MYOM1: variants seen among roughly 807,000 people sequenced by gnomAD.
MYOM1 encodes the protein myomesin 1.
A neutral mutation model predicts 205.3 loss-of-function variants in MYOM1; 164 were observed. That is an observed-to-expected ratio of 0.80 (90% CI 0.70 to 0.91). MYOM1 has a LOEUF of 0.91. Ranked by LOEUF, MYOM1 falls within the 40% of genes least tolerant of loss-of-function variation. MYOM1 has a pLI of 0.00. For missense variants in MYOM1, 2,011 were observed against 2,127.3 expected (o/e 0.95, Z 1.08); for synonymous variants, 772 against 789.4 (o/e 0.98, Z 0.37).
chr18:3,208,304 G>A (rs1008224927), intron 2 of MYOM1, among the ~76,000 whole-genome samples: 1 of 152,098 alleles, frequency 6.6e-6, no homozygotes, highest in Non-Finnish European at 1.5e-5. Flanking sequence ...GAGCTAGCTC[G>A]GGAGTTTGAG....
At position 3,154,961 on chromosome 18, in the gene MYOM1, T is replaced by A; in HGVS notation, c.1629A>T (p.Gly543=). The change falls in exon 11 of 38, where the codon GGA becomes GGT. Residue 543 remains glycine (G), a synonymous_variant. Coordinates refer to ENST00000356443, the MANE Select transcript of MYOM1 (RefSeq NM_003803.4). Reference sequence around the variant, plus strand: ...TAAGCACTAACTTATCAATAAAATATCCGAGAATAGGACTCCCTCCATCGA... The same window carrying A: ...TAAGCACTAACTTATCAATAAAATAACCGAGAATAGGACTCCCTCCATCGA... ...PAVDGGSPIL[G]YFIDKCEVGT... 1.2e-6 allele frequency: 2 copies of A among 1,611,648 alleles called. No individual in the cohort carries two copies. Among genetic ancestry groups the A allele is most frequent in the East Asian group, 4.5e-5 (2 of 44,842 alleles).
In MYOM1 at chr18:3,067,339, C is replaced by T. The variant is rs780903555; in HGVS notation, c.4981G>A (p.Val1661Ile). Residue 1661 changes from valine to isoleucine, a missense_variant, in exon 38 of 38, where the codon GTC becomes ATC. Val to Ile is a conservative substitution (Grantham distance 29). Transcript: ENST00000356443. ...TCCTCCTCTGGGATGAACACGCTGA[C>T]GGTGAAGTCGCTGGTCTCCGAGCCA... ...KYGSETSDFT[V>I]SVFIPEEEAR... The T allele has an allele frequency of 1.1e-5, 18 of 1,612,186 alleles. No homozygotes were observed. In the East Asian group the frequency reaches 1.6e-4, roughly 14 times the overall value.
At chr18:3,141,447 T>C (rs2080047110) in intron 14 of MYOM1, among the ~76,000 whole-genome samples, 1 of 152,192 alleles carries the variant, frequency 6.6e-6, no homozygotes, top group Admixed American at 6.5e-5. Flanking sequence ...AGAGTGGAGC[T>C]AGCCAAGTGC....
At chr18:3,205,453 A>C (rs982354675) in intron 2 of MYOM1, among the ~76,000 whole-genome samples, 4 of 152,224 alleles carry the variant, frequency 2.6e-5, no homozygotes, top group Non-Finnish European at 2.9e-5. Flanking sequence ...ATGGCTACTA[A>C]ATGCAAAAAA....
In MYOM1 at chr18:3,154,980, C is replaced by T. The variant is rs1354421749; in HGVS notation, c.1610G>A (p.Gly537Glu). 3 of 1,612,786 alleles carry T rather than the reference C, an allele frequency of 1.9e-6. No individual in the cohort carries two copies. Residue 537 changes from glycine to glutamate, a missense_variant, in exon 11 of 38, where the codon GGA becomes GAA. Physicochemically the swap from Gly to Glu is moderately conservative, Grantham distance 98. Transcript: ENST00000356443. ...AAAATATCCGAGAATAGGACTCCCT[C>T]CATCGACAGCTGGCTGTTTCCAGGA... ...IISWKQPAVD[G>E]GSPILGYFID... is the part of the protein sequence containing the mutation.
chr18:3,235,496 A>G, the MYOM1 span, among the ~76,000 whole-genome samples: 1 of 152,242 alleles, frequency 6.6e-6, no homozygotes, highest in Non-Finnish European at 1.5e-5. Flanking sequence ...ATGGCTTAGA[A>G]GTCACTGAGG....
At chr18:3,244,069 T>C in the MYOM1 span, among the ~76,000 whole-genome samples, 1 of 152,194 alleles carries the variant, frequency 6.6e-6, no homozygotes, top group East Asian at 1.9e-4. Flanking sequence ...CTACTGACTT[T>C]TTGGGCTGAA....
intron 2 of MYOM1, among the ~76,000 whole-genome samples, chr18:3,195,986 T>C (rs1313363408): frequency 1.3e-5 from 2 of 152,186 alleles, no homozygotes; most frequent in African/African-American, 2.4e-5. Flanking sequence ...AGCATTATGA[T>C]GTTATGTGTT....
chr18:3,078,050 T>G (rs28613174), intron 34 of MYOM1, among the ~76,000 whole-genome samples: 6,384 of 152,186 alleles, frequency 0.042, 455 homozygotes, highest in African/African-American at 0.14. Flanking sequence ...TTGTATTTTT[T>G]TTTTTTTTTG....
At chr18:3,102,764 A>T in intron 22 of MYOM1, 134 bp from the exon 23 acceptor site, 3 of 832,388 alleles carry the variant, frequency 3.6e-6, no homozygotes, top group Non-Finnish European at 5.6e-6. Context: ...TTCACTACTC[A>T]TGCAGGTGGA....
chr18:3,179,814 C>T lies in MYOM1; in HGVS notation c.930-3680G>A, dbSNP rs1248512494. On this transcript the variant is annotated intron_variant, in intron 5 of 37. Coordinates refer to ENST00000356443, the MANE Select transcript of MYOM1 (RefSeq NM_003803.4). The surrounding 1 kb of genome is among the most constrained non-coding windows in gnomAD (Gnocchi z 4.4). ...TATAATTGGTTTAGGTAATTTCACA[C>T]TGGACTCAAGCTCACTCTGGCTCTG... 6.6e-6 allele frequency among the ~76,000 whole-genome samples: 1 copy of T among 152,182 alleles called. No individual in the cohort carries two copies. Among genetic ancestry groups the T allele is most frequent in the African/African-American group, 2.4e-5 (1 of 41,446 alleles).
At chr18:3,126,399 TAGA>T (rs2079783684) in intron 19 of MYOM1, among the ~76,000 whole-genome samples, 1 of 151,460 alleles carries the variant, frequency 6.6e-6, no homozygotes, top group African/African-American at 2.4e-5. Context: ...ATATTAATTG[TAGA>T]TATTTTGTAA....
intron 5 of MYOM1, among the ~76,000 whole-genome samples, chr18:3,182,913 C>CCT (rs2080757725): frequency 2.2e-5 from 2 of 92,300 alleles, no homozygotes; most frequent in Admixed American, 1.3e-4. Flanking sequence ...TTTCTTTCTT[C>CCT]TTTTTTTTTT....
At chr18:3,098,002 G>A (rs939132416) in intron 25 of MYOM1, among the ~76,000 whole-genome samples, 2 of 152,176 alleles carry the variant, frequency 1.3e-5, no homozygotes, top group Non-Finnish European at 2.9e-5. Flanking sequence ...CCTTTAAGCT[G>A]AATGTAAATG....
At chr18:3,081,144 A>AAG (rs1044004704) in intron 33 of MYOM1, among the ~76,000 whole-genome samples, 4 of 151,722 alleles carry the variant, frequency 2.6e-5, no homozygotes, top group African/African-American at 7.2e-5. Context: ...AAAAAAAAAA[A>AAG]AGAGAGAGAG....
intron 14 of MYOM1, among the ~76,000 whole-genome samples, chr18:3,139,239 C>T (rs1011286775): frequency 2.6e-5 from 4 of 152,222 alleles, no homozygotes; most frequent in African/African-American, 4.8e-5. Context: ...TGGCTATGTT[C>T]GTTCCTGCTG....
At position 3,071,056 on chromosome 18, in the gene MYOM1, G is replaced by T. The variant is rs566137758; in HGVS notation, c.4764+778C>A. ...TTACAGGCGTGAGCCACTGTGCCCG[G>T]CCTAGGGGCACATGCTCTCAGGAGC... On this transcript the variant is annotated intron_variant, in intron 37 of 37. Coordinates refer to ENST00000356443, the MANE Select transcript of MYOM1 (RefSeq NM_003803.4). 1.4e-3 allele frequency among the ~76,000 whole-genome samples: 215 copies of T among 152,196 alleles called. 2 individuals carry two copies. Among genetic ancestry groups the T allele is most frequent in the African/African-American group, 4.7e-3 (197 of 41,520 alleles).
At chr18:3,087,319 CT>C (rs5822733) in intron 29 of MYOM1, among the ~76,000 whole-genome samples, 24,812 of 143,796 alleles carry the variant, frequency 0.17, 2,276 homozygotes, top group Non-Finnish European at 0.2. Context: ...TTTTTTTGGG[CT>C]TTTTTTTTTT....
chr18:3,121,703 T>C (rs1281491580), intron 19 of MYOM1, among the ~76,000 whole-genome samples: 1 of 152,194 alleles, frequency 6.6e-6, no homozygotes, highest in East Asian at 1.9e-4. Context: ...CTTCAGACTT[T>C]AAGTTGCACA....
Sources: allele counts gnomAD v4.1 joint callset (sites outside exome capture counted in the v4.1 genomes callset), GRCh38; gene constraint gnomAD v4.1.1; non-coding constraint Gnocchi (gnomAD v3.1); transcripts MANE v1.5; gene names NCBI Gene and HGNC (gene_info 2026-07-23, HGNC 2026-07-21).